Variants in MED13L observed in about 807,000 individuals in gnomAD.
MED13L encodes mediator complex subunit 13L.
In MED13L, 7 loss-of-function variants were observed where a neutral mutation model predicts 220.9. The ratio of observed to expected loss-of-function variants is 0.03; its 90% confidence interval spans 0.02 to 0.06. The LOEUF (loss-of-function observed/expected upper bound fraction) is 0.06, where lower values mean the gene tolerates loss of function less well. Among genes scored for constraint, MED13L ranks in the 10% least tolerant of loss-of-function variants. MED13L has a pLI of 1.00. For missense variants in MED13L, 1,965 were observed against 2,760.5 expected, an observed-to-expected ratio of 0.71 and a Z score of 6.46; for synonymous variants, 1,011 against 1,015.2, an observed-to-expected ratio of 1.00 and a Z score of 0.08.
At chr12:116,187,708 C>T (rs753853234) in intron 2 of MED13L, among the ~76,000 whole-genome samples, 25 of 152,162 alleles carry the variant, frequency 1.6e-4, no homozygotes, top group Non-Finnish European at 2.9e-4. Flanking sequence ...TCTATTAAAT[C>T]TGGAATCTGT....
Position 116,170,604 on chromosome 12 carries a change from TTTTG to T in MED13L, c.311-59096_311-59093del, listed in dbSNP as rs895234738. Reference sequence around the variant, plus strand: ...CACAAGTAATCATTTTTACTTTTTTTTTTGTTTTTTTTTTTTTTTTAAGAGTCAC... The same window carrying T: ...CACAAGTAATCATTTTTACTTTTTTTTTTTTTTTTTTTTTTTAAGAGTCAC... On this transcript the variant is annotated intron_variant, in intron 2 of 30. Transcript: ENST00000281928. 6.1e-5 allele frequency among the ~76,000 whole-genome samples: 9 copies of T among 148,710 alleles called. No individual in the cohort carries two copies. The East Asian group carries it at 1.6e-3, about 26-fold the overall frequency.
intron 4 of MED13L, among the ~76,000 whole-genome samples, chr12:116,080,022 T>G (rs954992874): frequency 1.5e-4 from 20 of 133,738 alleles, no homozygotes; most frequent in Non-Finnish European, 2.7e-4. Flanking sequence ...ACATTTGAGG[T>G]TTTTTTTTTT....
intron 3 of MED13L, among the ~76,000 whole-genome samples, chr12:116,104,468 T>C (rs936828079): frequency 6.6e-6 from 1 of 152,238 alleles, no homozygotes; most frequent in African/African-American, 2.4e-5. Context: ...TAAAATATCT[T>C]AACTCTAAAC....
chr12:116,263,478 T>C (rs1471148939), intron 1 of MED13L, among the ~76,000 whole-genome samples: 1 of 152,172 alleles, frequency 6.6e-6, no homozygotes, highest in African/African-American at 2.4e-5. Flanking sequence ...CCACACTAAC[T>C]ATTCAGGCAG....
At chr12:116,259,136 A>C (rs907326128) in intron 1 of MED13L, among the ~76,000 whole-genome samples, 1 of 152,226 alleles carries the variant, frequency 6.6e-6, no homozygotes, top group Non-Finnish European at 1.5e-5. Context: ...ATGGTTAAAC[A>C]AACAATAGTA....
At chr12:116,160,750 ATTTT>A (rs970141745) in intron 2 of MED13L, among the ~76,000 whole-genome samples, 16 of 149,258 alleles carry the variant, frequency 1.1e-4, no homozygotes, top group African/African-American at 3.9e-4. Context: ...TCTTTCTTTT[ATTTT>A]TTATTTTTTT....
At chr12:116,271,356 C>T (rs1439999491) in intron 1 of MED13L, among the ~76,000 whole-genome samples, 2 of 151,822 alleles carry the variant, frequency 1.3e-5, no homozygotes, top group African/African-American at 4.8e-5. Flanking sequence ...TTTGGGAGGC[C>T]GAGGCGGGAG....
chr12:116,144,506 C>A (rs969147127), intron 2 of MED13L, among the ~76,000 whole-genome samples: 1 of 152,164 alleles, frequency 6.6e-6, no homozygotes, highest in Non-Finnish European at 1.5e-5. Context: ...AACATAAAAT[C>A]TTGGCTCAAA....
chr12:116,181,656 C>T, intron 2 of MED13L, among the ~76,000 whole-genome samples: 1 of 152,102 alleles, frequency 6.6e-6, no homozygotes, highest in East Asian at 1.9e-4. Context: ...TACATGCCAC[C>T]ATGCCCGGCT....
intron 2 of MED13L, among the ~76,000 whole-genome samples, chr12:116,158,129 G>C (rs757839111): frequency 2.0e-5 from 3 of 151,178 alleles, no homozygotes; most frequent in Non-Finnish European, 2.9e-5. Flanking sequence ...GATGAACGCA[G>C]GTCAGAGCAG....
chr12:116,262,157 T>G (rs1872558284), intron 1 of MED13L, among the ~76,000 whole-genome samples: 1 of 152,212 alleles, frequency 6.6e-6, no homozygotes, highest in Non-Finnish European at 1.5e-5. Flanking sequence ...AAAGAATATT[T>G]GCAATGATGT....
chr12:115,990,848 C>G (rs535160684), intron 17 of MED13L, among the ~76,000 whole-genome samples, 172 bp downstream of exon 17: 1 of 152,332 alleles, frequency 6.6e-6, no homozygotes, highest in East Asian at 1.9e-4. Flanking sequence ...ATAAAACATT[C>G]TCCCAGTCCA....
chr12:116,264,190 T>C (rs1872680205), intron 1 of MED13L, among the ~76,000 whole-genome samples: 1 of 152,088 alleles, frequency 6.6e-6, no homozygotes, highest in African/African-American at 2.4e-5. Context: ...AAAATAAGAT[T>C]TTCTGGGGCA....
At chr12:116,211,360 G>A (rs1310965498) in intron 2 of MED13L, among the ~76,000 whole-genome samples, 4 of 151,974 alleles carry the variant, frequency 2.6e-5, no homozygotes, top group Non-Finnish European at 4.4e-5. Flanking sequence ...CTACCATACT[G>A]AATACTGCAA....
At chr12:116,032,116 A>T (rs575829649) in intron 4 of MED13L, among the ~76,000 whole-genome samples, 1 of 152,320 alleles carries the variant, frequency 6.6e-6, no homozygotes, top group Admixed American at 6.5e-5. Flanking sequence ...CTGTTTGAAG[A>T]ATATAAAAGA....
In MED13L at chr12:116,188,747, C is replaced by T. The variant is rs544193916; in HGVS notation, c.310+48721G>A. ...ACCAACTTTCCTCCCACTTCCACCC[C>T]TCCTAAACCCCGACAACTACTAATT... On this transcript the variant is annotated intron_variant, in intron 2 of 30. Coordinates refer to ENST00000281928, the MANE Select transcript of MED13L (RefSeq NM_015335.5). Among the ~76,000 whole-genome samples the T allele has an allele frequency of 2.4e-4, 36 of 152,212 alleles. 1 individual carries two copies. The highest frequency in any genetic ancestry group is 7.5e-4 in the African/African-American group (31 of 41,532).
At chr12:116,062,435 A>T (rs1295454730) in intron 4 of MED13L, among the ~76,000 whole-genome samples, 3 of 151,340 alleles carry the variant, frequency 2.0e-5, no homozygotes, top group Admixed American at 2.0e-4. Context: ...TCTATTGAAC[A>T]ATATTACCTT....
chr12:116,060,610 A>C (rs1409320645), intron 4 of MED13L, among the ~76,000 whole-genome samples: 3 of 151,698 alleles, frequency 2.0e-5, no homozygotes, highest in Non-Finnish European at 4.4e-5. Context: ...AAATTTGCAA[A>C]AGACAATATA....
chr12:116,104,458 T>G (rs1038741229), intron 3 of MED13L, among the ~76,000 whole-genome samples: 1 of 152,228 alleles, frequency 6.6e-6, no homozygotes, highest in African/African-American at 2.4e-5. Flanking sequence ...ATATTCCAAG[T>G]AAAATATCTT....
Sources: gnomAD v4.1 joint callset for allele counts (sites outside exome capture counted in the v4.1 genomes callset) on GRCh38, gnomAD v4.1.1 for gene constraint, MANE v1.5 for transcripts, NCBI Gene and HGNC (gene_info 2026-07-23, HGNC 2026-07-21) for gene names.